NALF1: variants seen among roughly 807,000 people sequenced by gnomAD.
The protein encoded by NALF1 is family with sequence similarity 155 member A.
NALF1 carries 3 observed loss-of-function variants against 48.4 expected under a neutral mutation model. The ratio of observed to expected loss-of-function variants is 0.06; its 90% confidence interval spans 0.03 to 0.16. The LOEUF is 0.16. Among genes scored for constraint, NALF1 ranks in the 10% least tolerant of loss-of-function variants. The probability of loss-of-function intolerance (pLI) is 1.00; values close to 1 mark genes in which losing one functional copy is unlikely to be tolerated. For synonymous variants in NALF1, 262 were observed against 245.7 expected (o/e 1.07, Z -0.62); for missense variants, 526 against 571.5 (o/e 0.92, Z 0.81).
At chr13:107,789,570 T>C (rs1364409639) in intron 1 of NALF1, among the ~76,000 whole-genome samples, 1 of 152,176 alleles carries the variant, frequency 6.6e-6, no homozygotes, top group East Asian at 1.9e-4. Context: ...AACAGAGACA[T>C]AGTAAGCAAT....
At chr13:107,632,108 T>C (rs531088794) in intron 1 of NALF1, among the ~76,000 whole-genome samples, 61 of 152,300 alleles carry the variant, frequency 4.0e-4, no homozygotes, top group South Asian at 6.2e-4. Flanking sequence ...GCATATGCTA[T>C]TTAATTTAAA....
intron 1 of NALF1, among the ~76,000 whole-genome samples, chr13:107,440,920 C>T (rs79164264): frequency 0.03 from 4,487 of 152,014 alleles, 100 homozygotes; most frequent in Non-Finnish European, 0.043. Flanking sequence ...TAAACAAGAC[C>T]GCCCCTCTCT....
In NALF1 at chr13:107,517,975, G is replaced by C. The variant is rs960156343; in HGVS notation, c.916-307220C>G. ...TCTCAAAAACAAACAAAAACTTAAC[G>C]TAAGCTCAAAAACGTAGTTTGGAGT... On this transcript the variant is annotated intron_variant, in intron 1 of 2. Coordinates refer to ENST00000375915, the MANE Select transcript of NALF1 (RefSeq NM_001080396.3). Among the ~76,000 whole-genome samples, 2 of 151,948 alleles carry C rather than the reference G, an allele frequency of 1.3e-5. 1 individual carries two copies. The highest frequency in any genetic ancestry group is 4.2e-4 in the South Asian group (2 of 4,802).
intron 1 of NALF1, among the ~76,000 whole-genome samples, chr13:107,609,875 T>TTAAC (rs1228526034): frequency 1.3e-5 from 2 of 152,158 alleles, no homozygotes. Flanking sequence ...TTAACAGGCA[T>TTAAC]ATACATATGT....
chr13:107,381,554 A>ACTG lies in NALF1; in HGVS notation c.916-170800_916-170799insCAG, dbSNP rs533010369. ...CTTTCTGCCACCTGCATCCCTACGCACCGCCCCACCACCCCACCCACTCCC... is the reference window on the plus strand; with the variant it reads ...CTTTCTGCCACCTGCATCCCTACGCACTGCCGCCCCACCACCCCACCCACTCCC... On this transcript the variant is annotated intron_variant, in intron 1 of 2. Transcript: ENST00000375915. 2.0e-5 allele frequency among the ~76,000 whole-genome samples: 3 copies of ACTG among 151,646 alleles called. No homozygotes were observed. The South Asian group carries it at 6.3e-4, about 32-fold the overall frequency.
chr13:107,307,097 G>A (rs1881951633), intron 1 of NALF1, among the ~76,000 whole-genome samples: 1 of 152,182 alleles, frequency 6.6e-6, no homozygotes, highest in Non-Finnish European at 1.5e-5. Flanking sequence ...TTACTTCTAA[G>A]GCAGATGTGC....
intron 1 of NALF1, among the ~76,000 whole-genome samples, chr13:107,792,906 T>C (rs1353284349): frequency 1.3e-5 from 2 of 152,162 alleles, no homozygotes; most frequent in African/African-American, 2.4e-5. Context: ...TATACTGGCC[T>C]CAAGGAATCC....
At chr13:107,673,169 A>G (rs900708630) in intron 1 of NALF1, among the ~76,000 whole-genome samples, 7 of 152,094 alleles carry the variant, frequency 4.6e-5, no homozygotes, top group African/African-American at 1.7e-4. Flanking sequence ...CCAATAGCTT[A>G]TTACTATGAC....
intron 1 of NALF1, among the ~76,000 whole-genome samples, chr13:107,766,592 A>AGATGGG (rs1877424875): frequency 1.3e-5 from 2 of 152,230 alleles, no homozygotes; most frequent in Admixed American, 6.5e-5. Flanking sequence ...CAGATGGGCT[A>AGATGGG]AGTGTCAAAC....
At chr13:107,760,377 C>A (rs1877230637) in intron 1 of NALF1, among the ~76,000 whole-genome samples, 1 of 152,108 alleles carries the variant, frequency 6.6e-6, no homozygotes, top group African/African-American at 2.4e-5. Flanking sequence ...GGAGGAACAT[C>A]TGTAGAAGGA....
chr13:107,522,837 CCAA>C (rs1425711776), intron 1 of NALF1, among the ~76,000 whole-genome samples: 5 of 151,872 alleles, frequency 3.3e-5, no homozygotes, highest in Admixed American at 6.6e-5. Context: ...AGGCTGGTCT[CCAA>C]CTCCTGACCT....
At chr13:107,467,807 G>A (rs963608302) in intron 1 of NALF1, among the ~76,000 whole-genome samples, 2 of 152,144 alleles carry the variant, frequency 1.3e-5, no homozygotes, top group Non-Finnish European at 2.9e-5. Flanking sequence ...TTGGGAGACC[G>A]AGGCGGGTGG....
At chr13:107,198,004 C>T (rs918572341) in intron 2 of NALF1, among the ~76,000 whole-genome samples, 1 of 152,084 alleles carries the variant, frequency 6.6e-6, no homozygotes, top group African/African-American at 2.4e-5. Flanking sequence ...AATATGAACC[C>T]ATAAAATAAG....
chr13:107,627,872 C>T (rs772783145), intron 1 of NALF1, among the ~76,000 whole-genome samples: 1 of 151,984 alleles, frequency 6.6e-6, no homozygotes, highest in African/African-American at 2.4e-5. Flanking sequence ...AAACCAAACT[C>T]GCTGGACAAT....
At chr13:107,245,091 G>A (rs962166006) in intron 1 of NALF1, among the ~76,000 whole-genome samples, 2 of 152,136 alleles carry the variant, frequency 1.3e-5, no homozygotes, top group African/African-American at 4.8e-5. Context: ...ACCAGAATCA[G>A]AAAGATGCAT....
chr13:107,859,546 A>T (rs926322961), intron 1 of NALF1, among the ~76,000 whole-genome samples: 1 of 152,234 alleles, frequency 6.6e-6, no homozygotes, highest in Non-Finnish European at 1.5e-5. Flanking sequence ...ATACAACTGT[A>T]AGTCATTAAC....
chr13:107,653,812 TAAATAA>T (rs1880507651), intron 1 of NALF1, among the ~76,000 whole-genome samples: 2 of 151,912 alleles, frequency 1.3e-5, no homozygotes, highest in Non-Finnish European at 2.9e-5. Context: ...AAAGAAATGG[TAAATAA>T]AAATAAAAAG....
chr13:107,488,466 T>C (rs1798580084), intron 1 of NALF1, among the ~76,000 whole-genome samples: 1 of 152,008 alleles, frequency 6.6e-6, no homozygotes, highest in Non-Finnish European at 1.5e-5. Flanking sequence ...ATTCTGGATG[T>C]ATACACAAAT....
At chr13:107,467,311 T>C (rs1398261935) in intron 1 of NALF1, among the ~76,000 whole-genome samples, 1 of 85,984 alleles carries the variant, frequency 1.2e-5, no homozygotes, top group Non-Finnish European at 3.4e-5. Context: ...GCACCTAAAA[T>C]AGATATATAC....
Sources: allele counts gnomAD v4.1 joint callset (sites outside exome capture counted in the v4.1 genomes callset), GRCh38; gene constraint gnomAD v4.1.1; transcripts MANE v1.5; gene names NCBI Gene and HGNC (gene_info 2026-07-23, HGNC 2026-07-21).